KIF18A: variants seen among roughly 807,000 people sequenced by gnomAD.
KIF18A encodes kinesin family member 18A, also known as kinesin-like protein KIF18A.
A neutral mutation model predicts 103.3 loss-of-function variants in KIF18A; 67 were observed. The observed-to-expected ratio is 0.65, with a 90% CI of 0.53 to 0.79. The LOEUF (loss-of-function observed/expected upper bound fraction) is 0.79. Among genes scored for constraint, KIF18A ranks in the 30% least tolerant of loss-of-function variants. KIF18A has a pLI of 0.00. For missense variants in KIF18A, 1,032 were observed against 1,062.5 expected (o/e 0.97, Z 0.40); for synonymous variants, 367 against 355.5 (o/e 1.03, Z -0.36).
chr11:28,082,596 T>G (rs1320649373), intron 9 of KIF18A, among the ~76,000 whole-genome samples: 1 of 152,144 alleles, frequency 6.6e-6, no homozygotes, highest in Non-Finnish European at 1.5e-5. Flanking sequence ...AATTTTTATA[T>G]GCACCGGAAA....
chr11:28,068,557 T>G (rs571811938), intron 11 of KIF18A, among the ~76,000 whole-genome samples: 20 of 152,160 alleles, frequency 1.3e-4, no homozygotes, highest in African/African-American at 4.3e-4. Context: ...GCCAATACAT[T>G]AGTCTGTTAG....
At chr11:28,076,959 C>A (rs776592629) in intron 10 of KIF18A, 48 bp downstream of exon 10, 3 of 931,534 alleles carry the variant, frequency 3.2e-6, no homozygotes, top group African/African-American at 1.8e-5. Flanking sequence ...AAAAAAAGCC[C>A]CCATGTTTTT....
In KIF18A at chr11:28,088,475, T is replaced by C. The variant is rs535797971; in HGVS notation, c.897+49A>G. ...ATCATATTAAATAGTATCTTTCTTATCTATTTCAATATTTCAAACTATTTA... is the reference window on the plus strand; with the variant it reads ...ATCATATTAAATAGTATCTTTCTTACCTATTTCAATATTTCAAACTATTTA... On this transcript the variant is annotated intron_variant, in intron 6 of 16. Coordinates refer to ENST00000263181, the MANE Select transcript of KIF18A (RefSeq NM_031217.4). The C allele has an allele frequency of 3.5e-6, 5 of 1,415,316 alleles. No individual in the cohort carries two copies. The highest frequency in any genetic ancestry group is 2.5e-5 in the East Asian group (1 of 40,598). 87.7% of individuals were successfully genotyped at this position (1,415,316 alleles called of 1,614,324 possible). A position where few individuals can be genotyped will look rare whatever the true frequency, so the allele number is the denominator to read the frequency against.
At chr11:28,080,709 C>A (rs1851155189) in intron 9 of KIF18A, among the ~76,000 whole-genome samples, 1 of 152,052 alleles carries the variant, frequency 6.6e-6, no homozygotes, top group Non-Finnish European at 1.5e-5. Context: ...CCTAAAATGG[C>A]CTCCAAGTGT....
intron 13 of KIF18A, among the ~76,000 whole-genome samples, chr11:28,051,952 T>C (rs1850716954): frequency 1.3e-5 from 2 of 152,104 alleles, no homozygotes; most frequent in Admixed American, 1.3e-4. Context: ...GAAGTCTTCC[T>C]TATCTCTCTG....
chr11:28,024,555 G>A (rs545128369), intron 15 of KIF18A, among the ~76,000 whole-genome samples: 1 of 151,810 alleles, frequency 6.6e-6, no homozygotes, highest in Non-Finnish European at 1.5e-5. Flanking sequence ...GTGGAGATGA[G>A]AAAAAAATAA....
At chr11:28,046,739 G>GAAAAAA (rs11431907) in intron 13 of KIF18A, among the ~76,000 whole-genome samples, 1 of 131,500 alleles carries the variant, frequency 7.6e-6, no homozygotes, top group African/African-American at 2.9e-5. Context: ...GAAATTAAAT[G>GAAAAAA]AAAAAAAAAA....
At chr11:28,059,337 C>T (rs544952465) in intron 12 of KIF18A, among the ~76,000 whole-genome samples, 176 bp from the exon 13 acceptor site, 22 of 152,262 alleles carry the variant, frequency 1.4e-4, no homozygotes, top group Middle Eastern at 3.4e-3. Flanking sequence ...TTGGACAAGG[C>T]AAAAACTGAA....
chr11:28,034,972 C>T (rs1850464023), intron 15 of KIF18A, among the ~76,000 whole-genome samples: 1 of 151,546 alleles, frequency 6.6e-6, no homozygotes, highest in African/African-American at 2.4e-5. Context: ...ATAAAAGTCT[C>T]TTCACTCATT....
intron 11 of KIF18A, among the ~76,000 whole-genome samples, chr11:28,068,641 G>A (rs780862654): frequency 4.0e-5 from 6 of 151,890 alleles, no homozygotes; most frequent in Admixed American, 1.3e-4. Flanking sequence ...TCTGGCTTAG[G>A]TGTGTAAACT....
intron 9 of KIF18A, among the ~76,000 whole-genome samples, chr11:28,079,287 T>C (rs1851132479): frequency 6.6e-6 from 1 of 152,042 alleles, no homozygotes; most frequent in African/African-American, 2.4e-5. Context: ...AGAATTCTAA[T>C]AGATATCCAA....
At chr11:28,036,162 A>C in intron 14 of KIF18A, 55 bp downstream of exon 14, 1 of 1,117,880 alleles carries the variant, frequency 8.9e-7, no homozygotes, top group Non-Finnish European at 1.3e-6. Context: ...ACCTCAACTA[A>C]TAGTTGAAAG....
In KIF18A at chr11:28,023,784, A is replaced by G; in HGVS notation, c.2571T>C (p.Asp857=). The G allele has an allele frequency of 4.3e-6, 7 of 1,613,188 alleles. No homozygotes were observed. Among genetic ancestry groups the G allele is most frequent in the Non-Finnish European group, 5.9e-6 (7 of 1,179,306 alleles). The change falls in exon 16 of 17, where the codon GAT becomes GAC. Residue 857 remains aspartate (D), a synonymous_variant. Coordinates refer to ENST00000263181, the MANE Select transcript of KIF18A (RefSeq NM_031217.4). ...CTTGTAAGTGCTTCTCACTTGAATT[A>G]TCTTGTCGAACACGTTTGGCAAATC... ...NSGFAKRVRQ[D]NSSEKHLQEN...
chr11:28,085,226 T>A lies in KIF18A; in HGVS notation c.898-418A>T, dbSNP rs1246208356. On this transcript the variant is annotated intron_variant, in intron 6 of 16. Transcript: ENST00000263181. ...TTGGTCAAGTGGTAATGCCAGTGTC[T>A]GGGAAGACACCCATTACTTAGAAGA... Among the ~76,000 whole-genome samples, 3 of 152,106 alleles carry A rather than the reference T, an allele frequency of 2.0e-5. No homozygotes were observed. The East Asian group carries it at 5.8e-4, about 29-fold the overall frequency.
At chr11:28,089,644 T>A (rs950515025) in intron 5 of KIF18A, among the ~76,000 whole-genome samples, 3 of 152,192 alleles carry the variant, frequency 2.0e-5, no homozygotes, top group Non-Finnish European at 4.4e-5. Flanking sequence ...CACTGTTGTA[T>A]ATGTGGACTG....
chr11:28,033,845 A>T (rs1208174604), intron 15 of KIF18A, among the ~76,000 whole-genome samples: 1 of 151,692 alleles, frequency 6.6e-6, no homozygotes, highest in African/African-American at 2.4e-5. Context: ...TTTAAAAAAT[A>T]ACTAAGAGTA....
intron 9 of KIF18A, among the ~76,000 whole-genome samples, chr11:28,081,433 TC>T (rs1182012298): frequency 6.6e-6 from 1 of 152,092 alleles, no homozygotes; most frequent in East Asian, 1.9e-4. Flanking sequence ...TTTACAAACA[TC>T]CTAGGGCCCT....
intron 15 of KIF18A, among the ~76,000 whole-genome samples, chr11:28,031,357 A>G (rs1850403849): frequency 6.6e-6 from 1 of 152,188 alleles, no homozygotes; most frequent in African/African-American, 2.4e-5. Context: ...CAGCCATAAA[A>G]AAGGATGAGT....
In KIF18A at chr11:28,088,584, T is replaced by G. The variant is rs1215069588; in HGVS notation, c.837A>C (p.Thr279=). The G allele has an allele frequency of 6.2e-7, 1 of 1,614,086 alleles. No homozygotes were observed. Among genetic ancestry groups the G allele is most frequent in the East Asian group, 2.2e-5 (1 of 44,858 alleles). The change falls in exon 6 of 17, where the codon ACA becomes ACC. Residue 279 remains threonine, a synonymous_variant. Transcript: ENST00000263181. The part of the protein sequence containing the change: ...GAKGTRFVEG[T]NINRSLLALG... ...GAGCTAAAAGTGATCTATTAATATT[T>G]GTGCCTTCTACAAATCGGGTCCCCT...
Sources: allele counts gnomAD v4.1 joint callset (sites outside exome capture counted in the v4.1 genomes callset), GRCh38; gene constraint gnomAD v4.1.1; transcripts MANE v1.5; gene names NCBI Gene and HGNC (gene_info 2026-07-23, HGNC 2026-07-21).